The following NPBWR1 variants were observed in gnomAD, a reference collection of about 807,000 sequenced individuals.
NPBWR1 encodes the protein neuropeptides B and W receptor 1.
Under a neutral mutation model 2.8 loss-of-function variants are expected in NPBWR1, and 4 were observed. The observed-to-expected ratio is 1.44, with a 90% CI of 0.71 to 3.29. NPBWR1 has a LOEUF of 3.29. Among genes scored for constraint, NPBWR1 ranks in the 30% most tolerant of loss-of-function variants. The pLI is 0.01. For missense variants in NPBWR1, 545 were observed against 462.5 expected (o/e 1.18, Z -1.64); for synonymous variants, 250 against 224.5 (o/e 1.11, Z -1.02).
In NPBWR1 at chr8:52,939,966, C is replaced by A; in HGVS notation, c.59C>A (p.Ala20Glu). The A allele has an allele frequency of 6.3e-7, 1 of 1,596,862 alleles. No homozygotes were observed. Among genetic ancestry groups the A allele is most frequent in the Non-Finnish European group, 8.5e-7 (1 of 1,177,250 alleles). The change falls in exon 2 of 2, where the codon GCG (alanine) becomes GAG (glutamate). Residue 20 changes from alanine to glutamate, a missense_variant. Physicochemically the swap from Ala to Glu is moderately radical, Grantham distance 107. Coordinates refer to ENST00000674939, the MANE Select transcript of NPBWR1 (RefSeq NM_005285.5). The part of the protein sequence containing the change: ...WPANASGPDP[A>E]LSCSNASTLA... ...GCCAACGCATCGGGCCCGGACCCGG[C>A]GCTGAGCTGCTCCAACGCGTCGACT... is the stretch of plus-strand genomic sequence containing the variant.
Position 52,940,965 on chromosome 8 carries a change from C to A in NPBWR1, c.*71C>A. 1.3e-6 allele frequency: 2 copies of A among 1,496,574 alleles called. No homozygotes were observed. Among genetic ancestry groups the A allele is most frequent in the Non-Finnish European group, 1.8e-6 (2 of 1,129,262 alleles). The allele number at this position is 1,496,574 out of a possible 1,614,324, so 92.7% of individuals were successfully genotyped here. A position where few individuals can be genotyped will look rare whatever the true frequency, so the allele number is the denominator to read the frequency against. ...CGAGGGAGGAGCCGGCGCCAGAGTG[C>A]GGGACCAGACAGGCCGCCTAGGCCT... On this transcript the variant is annotated 3_prime_UTR_variant, in exon 2 of 2. Transcript: ENST00000674939.
At position 52,940,997 on chromosome 8, in the gene NPBWR1, G is replaced by A; in HGVS notation, c.*103G>A. 7.1e-7 allele frequency: 1 copy of A among 1,414,762 alleles called. No individual in the cohort carries two copies. Among genetic ancestry groups the A allele is most frequent in the African/African-American group, 1.4e-5 (1 of 69,372 alleles). The allele number at this position is 1,414,762 out of a possible 1,614,324, so 87.6% of individuals were successfully genotyped here. On this transcript the variant is annotated 3_prime_UTR_variant, in exon 2 of 2. Coordinates refer to ENST00000674939, the MANE Select transcript of NPBWR1 (RefSeq NM_005285.5). ...AGACAGGCCGCCTAGGCCTCCTGGG[G>A]AAACCGACTCGCGCCCCATACCCGA...
At position 52,941,982 on chromosome 8, in the gene NPBWR1, T is replaced by C. The variant is rs1802883966; in HGVS notation, c.*1088T>C. ...AGTTTGTTGTAACTGTTCATGTGTG[T>C]ACTGTTTTTCAGGACTGAAAACTTT... On this transcript the variant is annotated 3_prime_UTR_variant, in exon 2 of 2. Transcript: ENST00000674939. Among the ~76,000 whole-genome samples the C allele has an allele frequency of 6.6e-6, 1 of 152,278 alleles. No homozygotes were observed. The highest frequency in any genetic ancestry group is 6.5e-5 in the Admixed American group (1 of 15,294).
Position 52,940,870 on chromosome 8 carries a change from G to T in NPBWR1, c.963G>T (p.Leu321=), listed in dbSNP as rs758707576. The change falls in exon 2 of 2, where the codon CTG becomes CTT. Residue 321 remains leucine, a synonymous_variant. Coordinates refer to ENST00000674939, the MANE Select transcript of NPBWR1 (RefSeq NM_005285.5). ...DASFRRNLRQ[L]ITCRAAA Reference sequence around the variant, plus strand: ...GCTTCCGCAGGAACCTCCGCCAGCTGATAACTTGCCGCGCGGCAGCCTGAC... The same window carrying T: ...GCTTCCGCAGGAACCTCCGCCAGCTTATAACTTGCCGCGCGGCAGCCTGAC... 1.2e-6 allele frequency: 2 copies of T among 1,608,248 alleles called. No individual in the cohort carries two copies. The highest frequency in any genetic ancestry group is 2.2e-5 in the South Asian group (2 of 90,802).
At position 52,942,071 on chromosome 8, in the gene NPBWR1, T is replaced by C. The variant is rs775803038; in HGVS notation, c.*1177T>C. Among the ~76,000 whole-genome samples, 73 of 152,380 alleles carry C rather than the reference T, an allele frequency of 4.8e-4. No homozygotes were observed. Among genetic ancestry groups the C allele is most frequent in the African/African-American group, 1.6e-3 (65 of 41,602 alleles). On this transcript the variant is annotated 3_prime_UTR_variant, in exon 2 of 2. Transcript: ENST00000674939. ...GAAGATCAAATAAGATAAAAAGAAA[T>C]GCGATCTATTCTCTTGTGTTCCCTT...
chr8:52,939,650 G>C (rs1468178291), intron 1 of NPBWR1, 61 bp from the exon 2 acceptor site: 1 of 428,082 alleles, frequency 2.3e-6, no homozygotes, highest in Non-Finnish European at 4.1e-6. Context: ...CCTCGGGACC[G>C]CGCCTATTTC....
rs1860166183 is a variant in NPBWR1 at position 52,940,122 on chromosome 8, C to T, written c.215C>T (p.Thr72Ile). Residue 72 changes from threonine (T) to isoleucine (I), a missense_variant, in exon 2 of 2, where the codon ACC becomes ATC. Physicochemically the swap from Thr to Ile is moderately conservative, Grantham distance 89. Coordinates refer to ENST00000674939, the MANE Select transcript of NPBWR1 (RefSeq NM_005285.5). ...LLRAPRMKTVTNLFILNLAIA... is the reference protein window; with the variant it reads ...LLRAPRMKTVINLFILNLAIA... Reference sequence around the variant, plus strand: ...CGGGCGCCCCGCATGAAGACCGTCACCAACCTGTTCATCCTCAACCTGGCC... The same window carrying T: ...CGGGCGCCCCGCATGAAGACCGTCATCAACCTGTTCATCCTCAACCTGGCC... 6.2e-7 allele frequency: 1 copy of T among 1,613,186 alleles called. No individual in the cohort carries two copies. Among genetic ancestry groups the T allele is most frequent in the South Asian group, 1.1e-5 (1 of 91,086 alleles).
At position 52,940,821 on chromosome 8, in the gene NPBWR1, T is replaced by C; in HGVS notation, c.914T>C (p.Phe305Ser). Residue 305 changes from phenylalanine (F) to serine (S), a missense_variant, in exon 2 of 2, where the codon TTC (phenylalanine) becomes TCC (serine). By Grantham distance (155) the Phe-to-Ser change is radical (BLOSUM62 -2). Coordinates refer to ENST00000674939, the MANE Select transcript of NPBWR1 (RefSeq NM_005285.5). ...LSYANSCLNP[F>S]LYAFLDASFR... ...TACGCCAACAGCTGCCTCAACCCCT[T>C]CCTCTACGCCTTCCTGGACGCCAGC... 1 of 1,613,918 alleles carries C rather than the reference T, an allele frequency of 6.2e-7. No homozygotes were observed. Among genetic ancestry groups the C allele is most frequent in the Non-Finnish European group, 8.5e-7 (1 of 1,179,962 alleles).
rs776095073 is a variant in NPBWR1, at chr8:52,939,983, G to A, written c.76G>A (p.Ala26Thr). 1 of 1,601,904 alleles carries A rather than the reference G, an allele frequency of 6.2e-7. No homozygotes were observed. Among genetic ancestry groups the A allele is most frequent in the Non-Finnish European group, 8.5e-7 (1 of 1,179,078 alleles). ...GGACCCGGCGCTGAGCTGCTCCAAC[G>A]CGTCGACTCTGGCGCCGCTGCCGGC... ...GPDPALSCSN[A>T]STLAPLPAPL... Residue 26 changes from alanine to threonine, a missense_variant, in exon 2 of 2, where the codon GCG (alanine) becomes ACG (threonine). Coordinates refer to ENST00000674939, the MANE Select transcript of NPBWR1 (RefSeq NM_005285.5).
Position 52,943,489 on chromosome 8 carries a change from A to G in NPBWR1, c.*2595A>G, listed in dbSNP as rs1489411091. On this transcript the variant is annotated 3_prime_UTR_variant, in exon 2 of 2. Coordinates refer to ENST00000674939, the MANE Select transcript of NPBWR1 (RefSeq NM_005285.5). Reference sequence around the variant, plus strand: ...ATACACACATAAGCCAGGCAAAAGTAGAATTTATTCACATCATTGTATTGC... The same window carrying G: ...ATACACACATAAGCCAGGCAAAAGTGGAATTTATTCACATCATTGTATTGC... Among the ~76,000 whole-genome samples the G allele has an allele frequency of 2.0e-5, 3 of 152,248 alleles. No individual in the cohort carries two copies. The highest frequency in any genetic ancestry group is 4.4e-5 in the Non-Finnish European group (3 of 68,042).
rs757810335 is a variant in NPBWR1 at position 52,940,312 on chromosome 8, C to A, written c.405C>A (p.Tyr135Ter). 2 of 1,612,572 alleles carry A rather than the reference C, an allele frequency of 1.2e-6. No individual in the cohort carries two copies. Among genetic ancestry groups the A allele is most frequent in the Non-Finnish European group, 1.7e-6 (2 of 1,179,930 alleles). Residue 135 changes from tyrosine (Y) to a stop codon, truncating the protein, a stop_gained, in exon 2 of 2, where the codon TAC becomes TAA. Coordinates refer to ENST00000674939, the MANE Select transcript of NPBWR1 (RefSeq NM_005285.5). LOFTEE classifies it low-confidence loss of function (END_TRUNC). ...TCACCGTCATGAGCGCCGACCGCTA[C>A]CTGGTGGTGTTGGCCACTGCGGAGT... ...YFLTVMSADR[Y>*]LVVLATAESR...
At position 52,943,100 on chromosome 8, in the gene NPBWR1, GA is replaced by G. The variant is rs1802910249; in HGVS notation, c.*2207del. ...CAAACACAGCTGGAGTGATTGTCTG[GA>G]TTCAGTATCTCATCTGTCTTAATAA... On this transcript the variant is annotated 3_prime_UTR_variant, in exon 2 of 2. Transcript: ENST00000674939. Among the ~76,000 whole-genome samples, 1 of 152,186 alleles carries G rather than the reference GA, an allele frequency of 6.6e-6. No homozygotes were observed. Among genetic ancestry groups the G allele is most frequent in the African/African-American group, 2.4e-5 (1 of 41,428 alleles).
rs1227811134 is a variant in NPBWR1 at position 52,941,559 on chromosome 8, G to A, written c.*665G>A. Among the ~76,000 whole-genome samples the A allele has an allele frequency of 6.6e-6, 1 of 152,272 alleles. No individual in the cohort carries two copies. Among genetic ancestry groups the A allele is most frequent in the African/African-American group, 2.4e-5 (1 of 41,480 alleles). ...AGTGTGTATACACCTGTGTGTGTGT[G>A]TGTGTGGTGTGCGCGCGTTTGCGGA... On this transcript the variant is annotated 3_prime_UTR_variant, in exon 2 of 2. Transcript: ENST00000674939.
chr8:52,939,754 A>G lies in NPBWR1; in HGVS notation c.-154A>G. 1.2e-6 allele frequency: 1 copy of G among 820,104 alleles called. No individual in the cohort carries two copies. 50.8% of individuals were successfully genotyped at this position (820,104 alleles called of 1,614,324 possible). On this transcript the variant is annotated 5_prime_UTR_variant, in exon 2 of 2. Transcript: ENST00000674939. ...ACATTGGGCCGTGGGGTGGCTGGGA[A>G]CGGTCCCCTCCTCCGGAAAAACCAG...
In NPBWR1 at chr8:52,942,676, A is replaced by C. The variant is rs1802901447; in HGVS notation, c.*1782A>C. On this transcript the variant is annotated 3_prime_UTR_variant, in exon 2 of 2. Coordinates refer to ENST00000674939, the MANE Select transcript of NPBWR1 (RefSeq NM_005285.5). ...TGGGGGGAAGCAAACCCCCTCTCTA[A>C]TTTTGGTGAATAAGAATTGCTTTCT... Among the ~76,000 whole-genome samples the C allele has an allele frequency of 6.6e-6, 1 of 152,208 alleles. No individual in the cohort carries two copies. Among genetic ancestry groups the C allele is most frequent in the Non-Finnish European group, 1.5e-5 (1 of 68,036 alleles).
intron 1 of NPBWR1, 127 bp from the exon 2 acceptor site, chr8:52,939,584 G>A (rs1458691327): frequency 8.5e-6 from 3 of 354,482 alleles, no homozygotes; most frequent in African/African-American, 6.3e-5. Context: ...TCAACAGGTA[G>A]CAGAGAGCGC....
rs929368161 is a variant in NPBWR1 at position 52,942,356 on chromosome 8, G to T, written c.*1462G>T. On this transcript the variant is annotated 3_prime_UTR_variant, in exon 2 of 2. Transcript: ENST00000674939. ...ACAAAGTGGATTAAGAGAGAGGACT[G>T]GCATTGGGTTTGCCCAATCCTCTGC... 3.3e-5 allele frequency among the ~76,000 whole-genome samples: 5 copies of T among 152,238 alleles called. No homozygotes were observed. Among genetic ancestry groups the T allele is most frequent in the Admixed American group, 6.5e-5 (1 of 15,290 alleles).
In NPBWR1 at chr8:52,941,103, TGAG is replaced by T. The variant is rs1860191783; in HGVS notation, c.*213_*215del. ...CCAGGTGATGCGCGGCCATGCCGGG[TGAG>T]GAGAACTGAGGCTGAGATCGCCACA... On this transcript the variant is annotated 3_prime_UTR_variant, in exon 2 of 2. Transcript: ENST00000674939. The T allele has an allele frequency of 1.6e-6, 1 of 640,752 alleles. No individual in the cohort carries two copies. The highest frequency in any genetic ancestry group is 2.6e-6 in the Non-Finnish European group (1 of 380,050). 39.7% of individuals were successfully genotyped at this position (640,752 alleles called of 1,614,324 possible). A position where few individuals can be genotyped will look rare whatever the true frequency, so the allele number is the denominator to read the frequency against.
chr8:52,939,941 G>T lies in NPBWR1; in HGVS notation c.34G>T (p.Ala12Ser). The stretch of plus-strand genomic sequence containing the variant: ...CGCCTCGTTCTCGGAGCCCTGGCCC[G>T]CCAACGCATCGGGCCCGGACCCGGC... ...DNASFSEPWP[A>S]NASGPDPALS... The change falls in exon 2 of 2, where the codon GCC (alanine) becomes TCC (serine). Residue 12 changes from alanine to serine, a missense_variant. Coordinates refer to ENST00000674939, the MANE Select transcript of NPBWR1 (RefSeq NM_005285.5). 6.4e-7 allele frequency: 1 copy of T among 1,566,690 alleles called. No individual in the cohort carries two copies. The highest frequency in any genetic ancestry group is 8.6e-7 in the Non-Finnish European group (1 of 1,163,904).
Sources: gnomAD v4.1 joint callset for allele counts (sites outside exome capture counted in the v4.1 genomes callset) on GRCh38, gnomAD v4.1.1 for gene constraint, MANE v1.5 for transcripts, NCBI Gene and HGNC (gene_info 2026-07-23, HGNC 2026-07-21) for gene names.